The following TRABD2B variants were observed in gnomAD, a reference collection of about 807,000 sequenced individuals.
TRABD2B encodes the protein TraB domain containing 2B, also known as metalloprotease TIKI2.
Under a neutral mutation model 40.1 loss-of-function variants are expected in TRABD2B, and 14 were observed. That is an observed-to-expected ratio of 0.35 (90% CI 0.23 to 0.55). The LOEUF (loss-of-function observed/expected upper bound fraction) is 0.55. Ranked by LOEUF, TRABD2B falls within the 20% of genes least tolerant of loss-of-function variation. The pLI is 0.90. For missense variants in TRABD2B, 541 were observed against 648.6 expected (o/e 0.83, Z 1.80); for synonymous variants, 263 against 277.0 (o/e 0.95, Z 0.50).
At chr1:47,955,521 C>T (rs1416998149) in intron 2 of TRABD2B, among the ~76,000 whole-genome samples, 1 of 152,200 alleles carries the variant, frequency 6.6e-6, no homozygotes, top group Non-Finnish European at 1.5e-5. Context: ...TGATCTCAGG[C>T]TTCTCCCCTA....
intron 2 of TRABD2B, among the ~76,000 whole-genome samples, chr1:47,911,118 T>A (rs550741352): frequency 9.9e-5 from 15 of 151,966 alleles, no homozygotes; most frequent in Non-Finnish European, 1.9e-4. Flanking sequence ...TGGGGGAAAA[T>A]AGAAATGTGT....
At chr1:47,966,809 G>T (rs1645609899) in intron 2 of TRABD2B, among the ~76,000 whole-genome samples, 1 of 151,952 alleles carries the variant, frequency 6.6e-6, no homozygotes, top group Non-Finnish European at 1.5e-5. Context: ...GGAGGCTGAT[G>T]CAGTAGGATC....
At chr1:47,865,679 T>A (rs1456844103) in intron 2 of TRABD2B, among the ~76,000 whole-genome samples, 1 of 152,142 alleles carries the variant, frequency 6.6e-6, no homozygotes, top group African/African-American at 2.4e-5. Flanking sequence ...TTTCTCACTT[T>A]AAAATAAAGG....
chr1:47,924,044 G>A (rs1207980746), intron 2 of TRABD2B, among the ~76,000 whole-genome samples: 2 of 151,346 alleles, frequency 1.3e-5, no homozygotes, highest in Non-Finnish European at 2.9e-5. Context: ...GAATGTTTCC[G>A]GTCTTTATTC....
chr1:47,992,099 C>T lies in TRABD2B; in HGVS notation c.666+1935G>A, dbSNP rs113015543. Among the ~76,000 whole-genome samples the T allele has an allele frequency of 1.6e-3, 247 of 152,258 alleles. 1 individual carries two copies. Among genetic ancestry groups the T allele is most frequent in the African/African-American group, 5.7e-3 (235 of 41,552 alleles). ...AGGGAACTAAGAGGAGTTCTGTTTT[C>T]TTTTGTTTGGGACTTGCTTTCTGCA... On this transcript the variant is annotated intron_variant, in intron 2 of 6. Coordinates refer to ENST00000606738, the MANE Select transcript of TRABD2B (RefSeq NM_001194986.2).
chr1:47,843,013 T>C (rs965823404), intron 2 of TRABD2B, among the ~76,000 whole-genome samples: 3 of 152,024 alleles, frequency 2.0e-5, no homozygotes, highest in Non-Finnish European at 2.9e-5. Flanking sequence ...AGTGTCATGA[T>C]GAAGGAGCAT....
intron 2 of TRABD2B, among the ~76,000 whole-genome samples, chr1:47,900,790 C>T (rs1430851362): frequency 2.6e-5 from 4 of 152,152 alleles, no homozygotes; most frequent in Admixed American, 2.6e-4. Context: ...ATTTTGGGTT[C>T]AGTCTGAGAC....
chr1:47,996,211 C>G lies in TRABD2B; in HGVS notation c.102+477G>C, dbSNP rs1433912345. On this transcript the variant is annotated intron_variant, in intron 1 of 6. Coordinates refer to ENST00000606738, the MANE Select transcript of TRABD2B (RefSeq NM_001194986.2). This position sits in a 1 kb window ranked among gnomAD's most constrained non-coding sequence, Gnocchi z 4.6. The stretch of plus-strand genomic sequence containing the variant: ...AACGAGGAACAGGGAGAAAGTTTGT[C>G]TTAGGTCAGAGTGGGAGGGCAGGGA... Among the ~76,000 whole-genome samples, 1 of 151,820 alleles carries G rather than the reference C, an allele frequency of 6.6e-6. No individual in the cohort carries two copies. The highest frequency in any genetic ancestry group is 1.5e-5 in the Non-Finnish European group (1 of 67,966).
intron 2 of TRABD2B, among the ~76,000 whole-genome samples, chr1:47,870,925 T>C (rs1644131994): frequency 6.6e-6 from 1 of 152,170 alleles, no homozygotes; most frequent in South Asian, 2.1e-4. Flanking sequence ...ATGAAGAATG[T>C]GGAGGCACTG....
chr1:47,992,655 C>T (rs1646029032), intron 2 of TRABD2B, among the ~76,000 whole-genome samples: 1 of 152,220 alleles, frequency 6.6e-6, no homozygotes, highest in Admixed American at 6.5e-5. Flanking sequence ...ATAATATCAG[C>T]TCCCGAGGCT....
At chr1:47,785,646 A>C (rs1400650597) in intron 4 of TRABD2B, among the ~76,000 whole-genome samples, 1 of 152,238 alleles carries the variant, frequency 6.6e-6, no homozygotes, top group East Asian at 1.9e-4. Context: ...CACGGGGTGC[A>C]TCCATGTCAA....
intron 2 of TRABD2B, among the ~76,000 whole-genome samples, chr1:47,894,609 A>T (rs1382242310): frequency 6.6e-6 from 1 of 152,130 alleles, no homozygotes; most frequent in Non-Finnish European, 1.5e-5. Flanking sequence ...TTCTCTGAGG[A>T]GGTGATATTT....
At chr1:47,816,977 C>T (rs914137777) in intron 2 of TRABD2B, among the ~76,000 whole-genome samples, 1 of 152,156 alleles carries the variant, frequency 6.6e-6, no homozygotes, top group Non-Finnish European at 1.5e-5. Context: ...ACCGACTTCT[C>T]TGCAGATGTA....
Position 47,923,596 on chromosome 1 carries a change from T to C in TRABD2B, c.666+70438A>G, listed in dbSNP as rs369737856. On this transcript the variant is annotated intron_variant, in intron 2 of 6. Coordinates refer to ENST00000606738, the MANE Select transcript of TRABD2B (RefSeq NM_001194986.2). The stretch of plus-strand genomic sequence containing the variant: ...TTGGCTGGGCCATGGTATCCAGATA[T>C]TTGGTCAGACATTATTCTAGATGTT... Among the ~76,000 whole-genome samples, 18 of 152,282 alleles carry C rather than the reference T, an allele frequency of 1.2e-4. No individual in the cohort carries two copies. In the East Asian group the frequency reaches 1.5e-3, roughly 13 times the overall value.
chr1:47,851,903 G>A (rs1159442991), intron 2 of TRABD2B, among the ~76,000 whole-genome samples: 1 of 152,204 alleles, frequency 6.6e-6, no homozygotes, highest in Non-Finnish European at 1.5e-5. Flanking sequence ...TGTGCCAGAG[G>A]TGGGATTTGA....
chr1:47,851,541 G>A (rs1645549726), intron 2 of TRABD2B, among the ~76,000 whole-genome samples: 1 of 152,142 alleles, frequency 6.6e-6, no homozygotes, highest in African/African-American at 2.4e-5. Context: ...AAGAAATTTA[G>A]ATCTTCTTTT....
At chr1:47,969,015 C>G (rs1413798905) in intron 2 of TRABD2B, among the ~76,000 whole-genome samples, 1 of 152,174 alleles carries the variant, frequency 6.6e-6, no homozygotes, top group East Asian at 1.9e-4. Context: ...ATTGCAGTGT[C>G]CCATGCCTAT....
In TRABD2B at chr1:47,794,636, G is replaced by A. The variant is rs781498332; in HGVS notation, c.938C>T (p.Ala313Val). 8 of 1,536,216 alleles carry A rather than the reference G, an allele frequency of 5.2e-6. No individual in the cohort carries two copies. The highest frequency in any genetic ancestry group is 7.0e-6 in the Non-Finnish European group (8 of 1,146,656). The stretch of plus-strand genomic sequence containing the variant: ...CTTGTCCTCGTTCTCCCGTAGAAGC[G>A]CCATGACCCTCTTCCCCATGCGCTC... ...RNERMGKRVMALLRENEDKIC... is the reference protein window; with the variant it reads ...RNERMGKRVMVLLRENEDKIC... Residue 313 changes from alanine to valine, a missense_variant, in exon 4 of 7, where the codon GCG (alanine) becomes GTG (valine). This residue lies in a region of TRABD2B where 369 missense variants were observed against 492.8 expected (regional missense o/e 0.75). Transcript: ENST00000606738.
intron 6 of TRABD2B, among the ~76,000 whole-genome samples, chr1:47,767,608 C>G (rs576294730): frequency 6.6e-6 from 1 of 152,230 alleles, no homozygotes; most frequent in Non-Finnish European, 1.5e-5. Context: ...AGACACAAAA[C>G]AGGGCCAGGA....
Sources: allele counts gnomAD v4.1 joint callset (sites outside exome capture counted in the v4.1 genomes callset), GRCh38; gene constraint gnomAD v4.1.1; regional missense constraint gnomAD v4.1.1; non-coding constraint Gnocchi (gnomAD v3.1); transcripts MANE v1.5; gene names NCBI Gene and HGNC (gene_info 2026-07-23, HGNC 2026-07-21).